PLEKHM3: variants seen among roughly 807,000 people sequenced by gnomAD.
The protein encoded by PLEKHM3 is pleckstrin homology domain containing M3.
Under a neutral mutation model 81.8 loss-of-function variants are expected in PLEKHM3, and 45 were observed. That is an observed-to-expected ratio of 0.55 (90% CI 0.43 to 0.71). The LOEUF (loss-of-function observed/expected upper bound fraction) is 0.71, where lower values mean the gene tolerates loss of function less well. Among genes scored for constraint, PLEKHM3 ranks in the 30% least tolerant of loss-of-function variants. PLEKHM3 has a pLI of 0.00. For synonymous variants in PLEKHM3, 352 were observed against 356.4 expected (o/e 0.99, Z 0.14); for missense variants, 788 against 924.3 (o/e 0.85, Z 1.91).
chr2:207,968,595 A>T (rs1210337927), intron 3 of PLEKHM3, among the ~76,000 whole-genome samples: 1 of 152,136 alleles, frequency 6.6e-6, no homozygotes, highest in Non-Finnish European at 1.5e-5. Flanking sequence ...TGAAGAGCAC[A>T]ACCTGCACCT....
At chr2:207,923,905 A>ATATATATATATATATATT (rs1396762429) in intron 5 of PLEKHM3, among the ~76,000 whole-genome samples, 14 of 28,340 alleles carry the variant, frequency 4.9e-4, no homozygotes, top group Non-Finnish European at 7.1e-4. Flanking sequence ...ATATATATAT[A>ATATATATATATATATATT]TTTTTTTTTT....
chr2:207,848,848 C>T (rs546730175), intron 7 of PLEKHM3, among the ~76,000 whole-genome samples: 9 of 152,264 alleles, frequency 5.9e-5, no homozygotes, highest in African/African-American at 1.7e-4. Context: ...TTCTGAAGTC[C>T]GGCCAGATGG....
At chr2:207,979,604 T>A (rs2106039070) in intron 2 of PLEKHM3, among the ~76,000 whole-genome samples, 1 of 151,974 alleles carries the variant, frequency 6.6e-6, no homozygotes, top group Middle Eastern at 3.5e-3. Flanking sequence ...TCCTCCCTGG[T>A]AGAGACTTTA....
intron 1 of PLEKHM3, among the ~76,000 whole-genome samples, chr2:208,014,569 G>T (rs923096799): frequency 7.9e-5 from 12 of 152,348 alleles, no homozygotes; most frequent in African/African-American, 2.6e-4. Context: ...ACTTGAACTT[G>T]GGAGGCAGAG....
chr2:207,836,883 C>A (rs531638321), intron 7 of PLEKHM3, among the ~76,000 whole-genome samples: 1 of 152,220 alleles, frequency 6.6e-6, no homozygotes, highest in Non-Finnish European at 1.5e-5. Context: ...AAAGGACAGG[C>A]CTGCAGAGCA....
In PLEKHM3 at chr2:207,825,373, A is replaced by T. The variant is rs766056156; in HGVS notation, c.*2946T>A. On this transcript the variant is annotated 3_prime_UTR_variant, in exon 8 of 8. Transcript: ENST00000427836. ...CGGAGTCAGTTGCCAGCTCCAGGAG[A>T]TTAATTGGCCATTTTTTCATATGTT... 3.9e-5 allele frequency: 6 copies of T among 152,076 alleles called. No individual in the cohort carries two copies. Among genetic ancestry groups the T allele is most frequent in the African/African-American group, 1.5e-4 (6 of 41,352 alleles). 9.4% of individuals were successfully genotyped at this position (152,076 alleles called of 1,614,324 possible). A position where few individuals can be genotyped will look rare whatever the true frequency, so the allele number is the denominator to read the frequency against.
intron 7 of PLEKHM3, among the ~76,000 whole-genome samples, chr2:207,834,130 CT>C (rs35913574): frequency 7.5e-4 from 105 of 140,484 alleles, no homozygotes; most frequent in Admixed American, 6.4e-4. Flanking sequence ...TTTTCTCTTT[CT>C]TTTTTTTTTT....
rs550876979 is a variant in PLEKHM3 at position 207,930,241 on chromosome 2, T to C, written c.1886+685A>G. Among the ~76,000 whole-genome samples, 36 of 152,250 alleles carry C rather than the reference T, an allele frequency of 2.4e-4. 1 individual carries two copies. The East Asian group carries it at 6.8e-3, about 29-fold the overall frequency. On this transcript the variant is annotated intron_variant, in intron 5 of 7. Coordinates refer to ENST00000427836, the MANE Select transcript of PLEKHM3 (RefSeq NM_001080475.3). ...GGCCTGTGCATTTTAATTATAGCTC[T>C]ACTGCCTGCATCATTGACCAAGTTT...
At chr2:207,858,446 A>C (rs1489011236) in intron 7 of PLEKHM3, among the ~76,000 whole-genome samples, 1 of 151,478 alleles carries the variant, frequency 6.6e-6, no homozygotes, top group African/African-American at 2.4e-5. Context: ...CATATGATTT[A>C]TTCAGTTAGA....
chr2:207,978,238 G>A (rs900248265), intron 2 of PLEKHM3, among the ~76,000 whole-genome samples: 3 of 152,092 alleles, frequency 2.0e-5, no homozygotes, highest in African/African-American at 4.8e-5. Flanking sequence ...GAACAACTGT[G>A]ACTAGTTATG....
At chr2:207,925,599 C>A (rs531464378) in intron 5 of PLEKHM3, among the ~76,000 whole-genome samples, 1 of 152,282 alleles carries the variant, frequency 6.6e-6, no homozygotes, top group East Asian at 1.9e-4. Flanking sequence ...GAGCTCAGGC[C>A]GTCCAACTTA....
In PLEKHM3 at chr2:207,977,298, C is replaced by A. The variant is rs751129855; in HGVS notation, c.899G>T (p.Gly300Val). The stretch of plus-strand genomic sequence containing the variant: ...ATGCACTACTTCCCAAAGCTTCTGT[C>A]CCCAGTCCAAAGCCTCCCATGGTGA... ...AESPWEALDW[G>V]QKLWEVVHAA... Residue 300 changes from glycine (G) to valine (V), a missense_variant, in exon 3 of 8, where the codon GGA becomes GTA. Physicochemically the swap from Gly to Val is moderately radical, Grantham distance 109 (BLOSUM62 -3). Coordinates refer to ENST00000427836, the MANE Select transcript of PLEKHM3 (RefSeq NM_001080475.3). The A allele has an allele frequency of 1.2e-6, 2 of 1,614,014 alleles. No individual in the cohort carries two copies. Among genetic ancestry groups the A allele is most frequent in the Admixed American group, 1.7e-5 (1 of 59,970 alleles).
intron 5 of PLEKHM3, among the ~76,000 whole-genome samples, chr2:207,916,714 C>G (rs1418946721): frequency 6.6e-6 from 1 of 151,932 alleles, no homozygotes; most frequent in South Asian, 2.1e-4. Flanking sequence ...CACCACTGCA[C>G]TCCAGCCCAG....
rs907527428 is a variant in PLEKHM3 at position 207,854,519 on chromosome 2, G to A, written c.2108+6586C>T. 4.6e-5 allele frequency among the ~76,000 whole-genome samples: 7 copies of A among 152,186 alleles called. No homozygotes were observed. In the South Asian group the frequency reaches 1.5e-3, roughly 32 times the overall value. ...TTATTTAAAACATTTTTATAGACATGTTTTGAATCAGCAACTCTGTATTTC... is the reference window on the plus strand; with the variant it reads ...TTATTTAAAACATTTTTATAGACATATTTTGAATCAGCAACTCTGTATTTC... On this transcript the variant is annotated intron_variant, in intron 7 of 7. Transcript: ENST00000427836.
chr2:207,966,379 T>C (rs779601572), intron 3 of PLEKHM3, among the ~76,000 whole-genome samples: 8 of 152,190 alleles, frequency 5.3e-5, no homozygotes, highest in Non-Finnish European at 1.0e-4. Flanking sequence ...ACTCTGCATA[T>C]TTTTGTTACC....
intron 1 of PLEKHM3, among the ~76,000 whole-genome samples, chr2:208,002,496 C>T (rs1179511850): frequency 1.3e-5 from 2 of 152,154 alleles, no homozygotes; most frequent in Non-Finnish European, 2.9e-5. Flanking sequence ...GATGATGACT[C>T]TGGACTTCAG....
intron 5 of PLEKHM3, among the ~76,000 whole-genome samples, chr2:207,919,689 C>T (rs932719335): frequency 3.3e-5 from 5 of 152,066 alleles, no homozygotes; most frequent in South Asian, 2.1e-4. Flanking sequence ...TGTGAGTGGG[C>T]GTGGGTGGGA....
At chr2:207,829,524 G>A (rs2092272813) in intron 7 of PLEKHM3, among the ~76,000 whole-genome samples, 1 of 152,114 alleles carries the variant, frequency 6.6e-6, no homozygotes, top group Non-Finnish European at 1.5e-5. Flanking sequence ...TGATCCACCC[G>A]CCTCGGCTTC....
intron 6 of PLEKHM3, among the ~76,000 whole-genome samples, chr2:207,876,718 A>C (rs955350806): frequency 7.2e-5 from 11 of 152,190 alleles, no homozygotes; most frequent in Non-Finnish European, 1.6e-4. Flanking sequence ...TTAAGTAACC[A>C]ATCAGTTAGG....
Sources: allele counts gnomAD v4.1 joint callset (sites outside exome capture counted in the v4.1 genomes callset), GRCh38; gene constraint gnomAD v4.1.1; transcripts MANE v1.5; gene names NCBI Gene and HGNC (gene_info 2026-07-23, HGNC 2026-07-21).